The following NEMP1 variants were observed in gnomAD, a reference collection of about 807,000 sequenced individuals.
NEMP1 encodes nuclear envelope integral membrane protein 1.
NEMP1 carries 29 observed loss-of-function variants against 53.7 expected under a neutral mutation model. The observed-to-expected ratio is 0.54, with a 90% confidence interval of 0.40 to 0.74. NEMP1 has a LOEUF of 0.74. NEMP1 is among the 30% of genes least tolerant of loss of function. The probability of loss-of-function intolerance (pLI) is 0.00; values close to 1 mark genes in which losing one functional copy is unlikely to be tolerated. For missense variants in NEMP1, 477 were observed against 528.6 expected, an observed-to-expected ratio of 0.90 and a Z score of 0.96; for synonymous variants, 193 against 192.9, an observed-to-expected ratio of 1.00 and a Z score of 0.00.
chr12:57,077,692 A>C (rs921072927), intron 1 of NEMP1, among the ~76,000 whole-genome samples: 1 of 152,210 alleles, frequency 6.6e-6, no homozygotes, highest in African/African-American at 2.4e-5. Flanking sequence ...ATCAGAAGAA[A>C]GTGTGCTAAA....
rs1407307629 is a variant in NEMP1 at position 57,066,823 on chromosome 12, T to C, written c.546-2084A>G. Among the ~76,000 whole-genome samples, 3 of 152,148 alleles carry C rather than the reference T, an allele frequency of 2.0e-5. 1 individual carries two copies. The South Asian group carries it at 6.2e-4, about 32-fold the overall frequency. ...TGCCCTCATACTGTTCTCATGGTAG[T>C]GAATAAGTCTCATGAGATCTGATGG... On this transcript the variant is annotated intron_variant, in intron 4 of 8. Transcript: ENST00000300128.
intron 1 of NEMP1, among the ~76,000 whole-genome samples, chr12:57,073,423 T>C (rs2136510021): frequency 6.6e-6 from 1 of 152,154 alleles, no homozygotes; most frequent in East Asian, 1.9e-4. Context: ...GCGGATGACC[T>C]GAGGTCAGAA....
chr12:57,072,951 A>G, intron 1 of NEMP1, 39 bp from the exon 2 acceptor site: 2 of 1,570,438 alleles, frequency 1.3e-6, no homozygotes, highest in Non-Finnish European at 1.7e-6. Flanking sequence ...AAACATAACA[A>G]GCTAATAACT....
chr12:57,078,519 C>G, intron 1 of NEMP1, 100 bp downstream of exon 1: 1 of 1,456,018 alleles, frequency 6.9e-7, no homozygotes, highest in Non-Finnish European at 9.2e-7. Flanking sequence ...AGAGCCACCG[C>G]CCTTCTGCAG....
intron 1 of NEMP1, among the ~76,000 whole-genome samples, chr12:57,083,901 G>A (rs560014499): frequency 1.3e-5 from 2 of 152,156 alleles, no homozygotes; most frequent in Non-Finnish European, 2.9e-5. Flanking sequence ...CACCTCCCGA[G>A]TAGCTGGGAT....
At chr12:57,079,690 G>GA (rs2032785041), upstream of NEMP1, among the ~76,000 whole-genome samples, 1 of 152,158 alleles carries the variant, frequency 6.6e-6, no homozygotes, top group South Asian at 2.1e-4. Flanking sequence ...GAAAACTACA[G>GA]ATGATAGAGC....
At chr12:57,082,960 G>T (rs995556689), upstream of NEMP1, among the ~76,000 whole-genome samples, 2 of 152,140 alleles carry the variant, frequency 1.3e-5, no homozygotes, top group African/African-American at 4.8e-5. Context: ...AGTCAAGACT[G>T]CAATGAGCTG....
intron 7 of NEMP1, among the ~76,000 whole-genome samples, chr12:57,061,357 T>A (rs1335597585): frequency 6.6e-6 from 1 of 152,234 alleles, no homozygotes; most frequent in Non-Finnish European, 1.5e-5. Flanking sequence ...AATACTTACT[T>A]ATTTTCTAGT....
At chr12:57,066,053 G>T (rs1336361962) in intron 4 of NEMP1, among the ~76,000 whole-genome samples, 1 of 151,980 alleles carries the variant, frequency 6.6e-6, no homozygotes, top group Non-Finnish European at 1.5e-5. Flanking sequence ...CGGAGATCGA[G>T]ACCATCCTGG....
At position 57,058,930 on chromosome 12, in the gene NEMP1, T is replaced by C. The variant is rs577775439; in HGVS notation, c.*949A>G. 2 of 152,220 alleles carry C rather than the reference T, an allele frequency of 1.3e-5. No homozygotes were observed. Among genetic ancestry groups the C allele is most frequent in the Admixed American group, 6.5e-5 (1 of 15,298 alleles). The allele number at this position is 152,220 out of a possible 1,614,324, so 9.4% of individuals were successfully genotyped here. ...CCCAATGACAGGAAAATGGAGAACG[T>C]ATAAAAAGCATCCAAATCCCCTAAA... On this transcript the variant is annotated 3_prime_UTR_variant, in exon 9 of 9. Coordinates refer to ENST00000300128, the MANE Select transcript of NEMP1 (RefSeq NM_001130963.2).
At chr12:57,063,860 T>C (rs1471672559) in intron 6 of NEMP1, among the ~76,000 whole-genome samples, 1 of 152,054 alleles carries the variant, frequency 6.6e-6, no homozygotes, top group Admixed American at 6.6e-5. Context: ...TACCAATAAA[T>C]GAACATCTTC....
rs112648657 is a variant in NEMP1, at chr12:57,065,926, T to C, written c.546-1187A>G. 2.0e-3 allele frequency among the ~76,000 whole-genome samples: 308 copies of C among 152,202 alleles called. 3 individuals carry two copies. In the Middle Eastern group the frequency reaches 0.031, roughly 15 times the overall value. On this transcript the variant is annotated intron_variant, in intron 4 of 8. Transcript: ENST00000300128. ...CACCCTTCACAGAATTGAAGACAGT[T>C]AGGGTCTTGCTCTGGATCAGCCTTT...
intron 7 of NEMP1, among the ~76,000 whole-genome samples, chr12:57,062,470 ACTCTGTCT>A (rs1174288120): frequency 1.3e-5 from 2 of 149,974 alleles, no homozygotes; most frequent in Non-Finnish European, 3.0e-5. Flanking sequence ...ACAGAGAGAG[ACTCTGTCT>A]CAAAAAAAAA....
upstream of NEMP1, among the ~76,000 whole-genome samples, chr12:57,083,339 T>C (rs2032902857): frequency 6.6e-6 from 1 of 152,212 alleles, no homozygotes; most frequent in Non-Finnish European, 1.5e-5. Flanking sequence ...AAGAAGCTTT[T>C]AGCTTTGTTT....
chr12:57,081,901 C>G (rs1180349354), upstream of NEMP1, among the ~76,000 whole-genome samples: 6 of 146,026 alleles, frequency 4.1e-5, no homozygotes, highest in Non-Finnish European at 9.0e-5. Flanking sequence ...AGCAAGACTC[C>G]GTCTCAAAAA....
At chr12:57,085,028 C>T (rs1362247566) in intron 1 of NEMP1, among the ~76,000 whole-genome samples, 1 of 152,140 alleles carries the variant, frequency 6.6e-6, no homozygotes, top group African/African-American at 2.4e-5. Context: ...TCCCTAGGCT[C>T]GTTTCTAACC....
At chr12:57,078,829 G>A (rs2032756952), upstream of NEMP1, 2 of 1,472,618 alleles carry the variant, frequency 1.4e-6, no homozygotes, top group Non-Finnish European at 9.2e-7. Context: ...TATCCTCTAC[G>A]AAACCCGCCC....
Position 57,059,979 on chromosome 12 carries a change from C to A in NEMP1, c.1235G>T (p.Ser412Ile). The change falls in exon 9 of 9, where the codon AGC becomes ATC. Residue 412 changes from serine to isoleucine, a missense_variant. Transcript: ENST00000300128. ...SVHEQEYGLG[S>I]IIAQDEIYEE... ...ATAGATTTCATCCTGGGCAATAATGCTCCCTAATCCATACTCCTGCTCATG... is the reference window on the plus strand; with the variant it reads ...ATAGATTTCATCCTGGGCAATAATGATCCCTAATCCATACTCCTGCTCATG... 1 of 1,613,890 alleles carries A rather than the reference C, an allele frequency of 6.2e-7. No homozygotes were observed. Among genetic ancestry groups the A allele is most frequent in the South Asian group, 1.1e-5 (1 of 91,066 alleles).
chr12:57,071,325 T>C (rs2032335088), intron 2 of NEMP1, among the ~76,000 whole-genome samples: 1 of 152,168 alleles, frequency 6.6e-6, no homozygotes, highest in African/African-American at 2.4e-5. Context: ...AAGCCACTGA[T>C]TATGAGTAAA....
Sources: gnomAD v4.1 joint callset for allele counts (sites outside exome capture counted in the v4.1 genomes callset) on GRCh38, gnomAD v4.1.1 for gene constraint, MANE v1.5 for transcripts, NCBI Gene and HGNC (gene_info 2026-07-23, HGNC 2026-07-21) for gene names.